RANBP3L: variants seen among roughly 807,000 people sequenced by gnomAD.
RANBP3L encodes ran-binding protein 3-like.
Under a neutral mutation model 67.2 loss-of-function variants are expected in RANBP3L, and 56 were observed. The observed-to-expected ratio is 0.83, with a 90% CI of 0.67 to 1.04. The LOEUF (loss-of-function observed/expected upper bound fraction) is 1.04, where lower values mean the gene tolerates loss of function less well. Among genes scored for constraint, RANBP3L ranks in the 50% least tolerant of loss-of-function variants. RANBP3L has a pLI of 0.00. For missense variants in RANBP3L, 496 were observed against 535.5 expected (o/e 0.93, Z 0.73); for synonymous variants, 164 against 181.4 (o/e 0.90, Z 0.77).
At chr5:36,297,133 C>T (rs544991753) in intron 1 of RANBP3L, among the ~76,000 whole-genome samples, 20 of 151,580 alleles carry the variant, frequency 1.3e-4, no homozygotes, top group African/African-American at 4.6e-4. Context: ...ATAAGACAGT[C>T]GATTAATACA....
chr5:36,262,933 T>C (rs1561106619), intron 6 of RANBP3L, among the ~76,000 whole-genome samples: 1 of 152,232 alleles, frequency 6.6e-6, no homozygotes, highest in Non-Finnish European at 1.5e-5. Flanking sequence ...TTTAGGCATA[T>C]ATTGTTTAAT....
chr5:36,293,648 A>G (rs13169579), intron 1 of RANBP3L, among the ~76,000 whole-genome samples: 64,618 of 120,026 alleles, frequency 0.54, 21,476 homozygotes, highest in Non-Finnish European at 0.76. Flanking sequence ...TTCTGCATCC[A>G]TTGAGATAAT....
chr5:36,288,397 G>A (rs1426732849), intron 1 of RANBP3L, among the ~76,000 whole-genome samples: 1 of 152,094 alleles, frequency 6.6e-6, no homozygotes, highest in Non-Finnish European at 1.5e-5. Context: ...AACAGTTTTG[G>A]GTTGTTCACA....
chr5:36,273,429 T>C (rs1750362656), intron 1 of RANBP3L, among the ~76,000 whole-genome samples: 1 of 152,216 alleles, frequency 6.6e-6, no homozygotes. Flanking sequence ...ACATATTTAT[T>C]GAGCATCTTT....
intron 1 of RANBP3L, among the ~76,000 whole-genome samples, chr5:36,283,826 T>G (rs1281388960): frequency 1.3e-5 from 2 of 152,232 alleles, no homozygotes; most frequent in African/African-American, 4.8e-5. Context: ...TGCTGCAGGT[T>G]TGAAAGTTTC....
chr5:36,251,163 C>A, intron 13 of RANBP3L, 150 bp downstream of exon 13: 1 of 540,150 alleles, frequency 1.9e-6, no homozygotes, highest in Non-Finnish European at 3.1e-6. Flanking sequence ...ATTTTCAAAC[C>A]CACTCCTCAG....
chr5:36,281,284 G>A (rs1410972086), intron 1 of RANBP3L, among the ~76,000 whole-genome samples: 2 of 152,176 alleles, frequency 1.3e-5, no homozygotes, highest in Non-Finnish European at 2.9e-5. Flanking sequence ...ACTCAGCACA[G>A]TGCCTGCCTC....
At chr5:36,262,688 G>A (rs1749483687) in intron 6 of RANBP3L, among the ~76,000 whole-genome samples, 1 of 151,972 alleles carries the variant, frequency 6.6e-6, no homozygotes, top group African/African-American at 2.4e-5. Flanking sequence ...GGGCGTTTGT[G>A]TCTTTTAAAG....
At chr5:36,274,752 G>A (rs1030184778) in intron 1 of RANBP3L, among the ~76,000 whole-genome samples, 2 of 152,104 alleles carry the variant, frequency 1.3e-5, no homozygotes, top group South Asian at 2.1e-4. Flanking sequence ...CACCCCTCCC[G>A]CGGTGATGAA....
chr5:36,287,911 G>A (rs1029803867), intron 1 of RANBP3L, among the ~76,000 whole-genome samples: 4 of 152,070 alleles, frequency 2.6e-5, no homozygotes, highest in Non-Finnish European at 5.9e-5. Flanking sequence ...TTATGTTCTT[G>A]GGCAAGTTAT....
Position 36,265,123 on chromosome 5 carries a change from A to G in RANBP3L, c.341-25T>C, listed in dbSNP as rs762440274. 4 of 1,413,810 alleles carry G rather than the reference A, an allele frequency of 2.8e-6. No individual in the cohort carries two copies. In the South Asian group the frequency reaches 5.2e-5, roughly 18 times the overall value. 87.6% of individuals were successfully genotyped at this position (1,413,810 alleles called of 1,614,324 possible). ...CCTTAAAAGAATAGAATTAAAGGAT[A>G]AATATATGTTTACTGAAATATTCCT... On this transcript the variant is annotated intron_variant, in intron 5 of 13. Coordinates refer to ENST00000296604, the MANE Select transcript of RANBP3L (RefSeq NM_145000.5).
At chr5:36,257,391 A>C in intron 9 of RANBP3L, 63 bp downstream of exon 9, 1 of 628,574 alleles carries the variant, frequency 1.6e-6, no homozygotes, top group Non-Finnish European at 2.7e-6. Context: ...ATTAATGTTA[A>C]TAAATAAAAA....
At position 36,251,455 on chromosome 5, in the gene RANBP3L, A is replaced by T; in HGVS notation, c.1212T>A (p.His404Gln). The T allele has an allele frequency of 6.2e-7, 1 of 1,612,722 alleles. No individual in the cohort carries two copies. The highest frequency in any genetic ancestry group is 1.1e-5 in the South Asian group (1 of 90,890). Residue 404 changes from histidine to glutamine, a missense_variant, in exon 13 of 14, where the codon CAT becomes CAA. By Grantham distance (24) the His-to-Gln change is conservative. Coordinates refer to ENST00000296604, the MANE Select transcript of RANBP3L (RefSeq NM_145000.5). ...TGAAGCTTTGAAGTGCAACAAGACG[A>T]TGATGTATTGCTGCATACAAATATG... Reference protein sequence around the residue: ...DTAYLYAAIHHRLVALQSFNK... With the variant: ...DTAYLYAAIHQRLVALQSFNK...
chr5:36,268,268 C>G, intron 4 of RANBP3L: 2 of 1,525,350 alleles, frequency 1.3e-6, no homozygotes, highest in Non-Finnish European at 1.8e-6. Context: ...AAGGTTGACA[C>G]TAAAAGCAGA....
intron 1 of RANBP3L, among the ~76,000 whole-genome samples, chr5:36,293,619 G>T (rs1751968956): frequency 8.8e-6 from 1 of 113,792 alleles, no homozygotes; most frequent in Non-Finnish European, 2.1e-5. Flanking sequence ...GAAGGTTGTT[G>T]AATTTTGTCA....
At chr5:36,294,720 T>G (rs1286727280) in intron 1 of RANBP3L, among the ~76,000 whole-genome samples, 1 of 151,070 alleles carries the variant, frequency 6.6e-6, no homozygotes, top group Non-Finnish European at 1.5e-5. Flanking sequence ...TTTTTAAGGC[T>G]GAAAATTATT....
rs191138410 is a variant in RANBP3L at position 36,267,382 on chromosome 5, C to A, written c.269-1862G>T. On this transcript the variant is annotated intron_variant, in intron 4 of 13. Transcript: ENST00000296604. Reference sequence around the variant, plus strand: ...ATTAGCTGGGCATGGGTGGTGTGCGCCTGTAGTCCCAGCTACTTGGAAGGC... The same window carrying A: ...ATTAGCTGGGCATGGGTGGTGTGCGACTGTAGTCCCAGCTACTTGGAAGGC... Among the ~76,000 whole-genome samples the A allele has an allele frequency of 6.6e-5, 10 of 152,126 alleles. No homozygotes were observed. The East Asian group carries it at 1.9e-3, about 29-fold the overall frequency.
intron 8 of RANBP3L, among the ~76,000 whole-genome samples, chr5:36,258,158 C>T (rs1232167054): frequency 1.3e-5 from 2 of 151,976 alleles, no homozygotes; most frequent in African/African-American, 4.8e-5. Context: ...ACTTTTCCTC[C>T]CAGACGATTT....
At position 36,264,939 on chromosome 5, in the gene RANBP3L, G is replaced by A. The variant is rs372841995; in HGVS notation, c.480+20C>T. On this transcript the variant is annotated intron_variant, in intron 6 of 13. Coordinates refer to ENST00000296604, the MANE Select transcript of RANBP3L (RefSeq NM_145000.5). ...AAGATGAGGGATTGAGGTCAGTTCC[G>A]TTATCCTGGGCTTTCTCACCTTATT... 3.9e-5 allele frequency: 63 copies of A among 1,605,856 alleles called. No homozygotes were observed. The East Asian group carries it at 7.6e-4, about 19-fold the overall frequency.
Sources: gnomAD v4.1 joint callset for allele counts (sites outside exome capture counted in the v4.1 genomes callset) on GRCh38, gnomAD v4.1.1 for gene constraint, MANE v1.5 for transcripts, NCBI Gene and HGNC (gene_info 2026-07-23, HGNC 2026-07-21) for gene names.